LIMCH1: variants seen among roughly 807,000 people sequenced by gnomAD.
LIMCH1 encodes the protein LIM and calponin homology domains-containing protein 1.
In LIMCH1, 113 loss-of-function variants were observed where a neutral mutation model predicts 176.5. The ratio of observed to expected loss-of-function variants is 0.64; its 90% CI spans 0.55 to 0.75. LIMCH1 has a LOEUF of 0.75. LIMCH1 is among the 30% of genes least tolerant of loss of function. LIMCH1 has a pLI of 0.00. For synonymous variants in LIMCH1, 619 were observed against 645.9 expected (o/e 0.96, Z 0.63); for missense variants, 1,674 against 1,814.9 (o/e 0.92, Z 1.41).
chr4:41,442,790 T>C (rs1207110837), intron 1 of LIMCH1, among the ~76,000 whole-genome samples: 2 of 152,196 alleles, frequency 1.3e-5, no homozygotes, highest in Non-Finnish European at 2.9e-5. Flanking sequence ...TCCTACCCCT[T>C]CCTCCCTCTA....
intron 1 of LIMCH1, among the ~76,000 whole-genome samples, chr4:41,440,187 A>C (rs2062555872): frequency 6.6e-6 from 1 of 152,198 alleles, no homozygotes; most frequent in Non-Finnish European, 1.5e-5. Context: ...AGTTTAACAA[A>C]AATACTGTTT....
intron 2 of LIMCH1, among the ~76,000 whole-genome samples, chr4:41,518,173 T>G (rs1198622838): frequency 6.6e-6 from 1 of 152,204 alleles, no homozygotes; most frequent in Non-Finnish European, 1.5e-5. Flanking sequence ...TTGCAATCCT[T>G]TAAGAATTTT....
intron 2 of LIMCH1, among the ~76,000 whole-genome samples, chr4:41,524,132 C>G (rs142126639): frequency 5.6e-4 from 85 of 152,320 alleles, no homozygotes; most frequent in Non-Finnish European, 1.0e-3. Context: ...ATCCAGCTCT[C>G]CCCCTTGTCC....
At position 41,626,833 on chromosome 4, in the gene LIMCH1, C is replaced by G; in HGVS notation, c.851C>G (p.Pro284Arg). Residue 284 changes from proline to arginine, a missense_variant, in exon 8 of 32, where the codon CCT (proline) becomes CGT (arginine). This residue lies in a region of LIMCH1 where 655 missense variants were observed against 692.2 expected (regional missense o/e 0.95). Transcript: ENST00000503057. ...EAEGEVVCRL[P>R]DLEKDDFAAR... The stretch of plus-strand genomic sequence containing the variant: ...GAAGGTGAAGTTGTGTGTCGACTGC[C>G]TGATCTTGAGAAGGATGACTTTGCT... 3 of 1,536,170 alleles carry G rather than the reference C, an allele frequency of 2.0e-6. No individual in the cohort carries two copies. Among genetic ancestry groups the G allele is most frequent in the Non-Finnish European group, 2.6e-6 (3 of 1,146,920 alleles).
chr4:41,627,512 C>T (rs995599072), intron 8 of LIMCH1, among the ~76,000 whole-genome samples: 1 of 152,122 alleles, frequency 6.6e-6, no homozygotes, highest in Non-Finnish European at 1.5e-5. Flanking sequence ...TCTGTCACAC[C>T]AGCAACATCA....
intron 1 of LIMCH1, among the ~76,000 whole-genome samples, chr4:41,425,433 G>A (rs1338419100): frequency 2.0e-5 from 3 of 152,106 alleles, no homozygotes; most frequent in Non-Finnish European, 2.9e-5. Flanking sequence ...TGCAACCCCC[G>A]CCTCCCGGGT....
At chr4:41,642,750 T>TG (rs57955040) in intron 14 of LIMCH1, among the ~76,000 whole-genome samples, 1 of 149,580 alleles carries the variant, frequency 6.7e-6, no homozygotes, top group African/African-American at 2.5e-5. Flanking sequence ...TTTTTTTTTT[T>TG]GTATTTTTAG....
At chr4:41,672,422 C>T (rs1029131378) in intron 22 of LIMCH1, among the ~76,000 whole-genome samples, 5 of 152,050 alleles carry the variant, frequency 3.3e-5, no homozygotes, top group African/African-American at 7.2e-5. Flanking sequence ...TTAAAACTGA[C>T]AATTTCTATA....
intron 1 of LIMCH1, among the ~76,000 whole-genome samples, chr4:41,420,882 G>A (rs1021108178): frequency 6.6e-5 from 10 of 152,194 alleles, no homozygotes; most frequent in Admixed American, 6.5e-5. Context: ...CTGTATGTGG[G>A]CCAATTTGAA....
rs1329478557 is a variant in LIMCH1, at chr4:41,631,064, AGTTTTTTTTTTT to A, written c.1272-72_1272-61del. ...CTGATAGGGAGGGCCAACTACTTCT[AGTTTTTTTTTTT>A]GTTTTTTTTTTAAAAACCTCTTATT... On this transcript the variant is annotated intron_variant, in intron 9 of 31. Coordinates refer to ENST00000503057, the MANE Select transcript of LIMCH1 (RefSeq NM_001330672.2). The A allele has an allele frequency of 5.4e-6, 6 of 1,117,128 alleles. No homozygotes were observed. The African/African-American group carries it at 7.2e-5, about 13-fold the overall frequency. 69.2% of individuals were successfully genotyped at this position (1,117,128 alleles called of 1,614,324 possible). A position where few individuals can be genotyped will look rare whatever the true frequency, so the allele number is the denominator to read the frequency against.
At chr4:41,609,532 C>A in intron 4 of LIMCH1, 1 of 413,148 alleles carries the variant, frequency 2.4e-6, no homozygotes. Flanking sequence ...CCTTACAAAT[C>A]ACAAAGGGAG....
intron 1 of LIMCH1, among the ~76,000 whole-genome samples, chr4:41,585,397 G>T (rs1331201870): frequency 2.6e-5 from 4 of 152,036 alleles, no homozygotes. Context: ...TCTTTATAAC[G>T]CTAAATACTA....
chr4:41,617,517 A>T (rs1353989875), intron 5 of LIMCH1, among the ~76,000 whole-genome samples: 1 of 152,224 alleles, frequency 6.6e-6, no homozygotes, highest in Non-Finnish European at 1.5e-5. Context: ...TTTCATTATG[A>T]TACTGAGACA....
intron 7 of LIMCH1, among the ~76,000 whole-genome samples, chr4:41,623,189 T>A (rs1428465784): frequency 6.6e-6 from 1 of 152,200 alleles, no homozygotes; most frequent in African/African-American, 2.4e-5. Context: ...ACTCTTGGTG[T>A]CTGGAAAATA....
intron 2 of LIMCH1, among the ~76,000 whole-genome samples, chr4:41,513,983 G>T (rs1186451236): frequency 9.0e-6 from 1 of 111,502 alleles, no homozygotes; most frequent in Non-Finnish European, 1.7e-5. Flanking sequence ...TCCAGCCTGG[G>T]TGATAGAGAG....
chr4:41,419,603 CG>C lies in LIMCH1; in HGVS notation c.96+58668del, dbSNP rs1370446584. Among the ~76,000 whole-genome samples the C allele has an allele frequency of 6.1e-3, 401 of 65,344 alleles. 7 individuals carry two copies. The highest frequency in any genetic ancestry group is 0.053 in the African/African-American group (377 of 7,126). The allele number at this position is 65,344 out of a possible 152,430, so 42.9% of individuals were successfully genotyped here. ...CCTTCCTTCCTTCCTTCCTTCCTTC[CG>C]TCCTTCCTTCCTTCCTTCCTTCCTT... On this transcript the variant is annotated intron_variant, in intron 1 of 26. Transcript: ENST00000313860.
rs1470087901 is a variant in LIMCH1, at chr4:41,666,579, C to T, written c.3310C>T (p.Pro1104Ser). ...LSQKVVKPKSPEPEATLTFPF... is the reference protein window; with the variant it reads ...LSQKVVKPKSSEPEATLTFPF... ...TGTCCAGGTGGTAAAGCCAAAATCT[C>T]CAGAACCCGAAGCAACGCTGACATT... is the stretch of plus-strand genomic sequence containing the variant. The change falls in exon 21 of 32, where the codon CCA becomes TCA. Residue 1104 changes from proline to serine, a missense_variant. Pro to Ser is a moderately conservative substitution (Grantham distance 74). This residue lies in a region of LIMCH1 where 1,015 missense variants were observed against 1,102.5 expected (regional missense o/e 0.92). Transcript: ENST00000503057. 2.5e-6 allele frequency: 4 copies of T among 1,613,718 alleles called. No individual in the cohort carries two copies. The highest frequency in any genetic ancestry group is 3.4e-6 in the Non-Finnish European group (4 of 1,179,812).
At position 41,557,726 on chromosome 4, in the gene LIMCH1, A is replaced by C. The variant is rs185373250; in HGVS notation, c.-241+19376A>C. ...GAAACCTCTCCCGACACTGCATGGA[A>C]GGAATCCTTACCTAAGCCACATAGG... is the stretch of plus-strand genomic sequence containing the variant. On this transcript the variant is annotated intron_variant, in intron 1 of 31. Coordinates refer to ENST00000503057, the MANE Select transcript of LIMCH1 (RefSeq NM_001330672.2). Among the ~76,000 whole-genome samples the C allele has an allele frequency of 3.0e-3, 451 of 152,282 alleles. 1 individual carries two copies. The highest frequency in any genetic ancestry group is 0.017 in the Middle Eastern group (5 of 294).
At chr4:41,427,147 T>G (rs1007398315) in intron 1 of LIMCH1, among the ~76,000 whole-genome samples, 4 of 152,330 alleles carry the variant, frequency 2.6e-5, no homozygotes, top group South Asian at 2.1e-4. Context: ...TATAAACATT[T>G]CTTGCAAAAT....
Sources: allele counts gnomAD v4.1 joint callset (sites outside exome capture counted in the v4.1 genomes callset), GRCh38; gene constraint gnomAD v4.1.1; regional missense constraint gnomAD v4.1.1; transcripts MANE v1.5; gene names NCBI Gene and HGNC (gene_info 2026-07-23, HGNC 2026-07-21).